Variants in KIN observed in about 807,000 individuals in gnomAD.
The protein encoded by KIN is Kin17 DNA and RNA binding protein.
Under a neutral mutation model 63.0 loss-of-function variants are expected in KIN, and 47 were observed. The ratio of observed to expected loss-of-function variants is 0.75; its 90% CI spans 0.59 to 0.95. The LOEUF is 0.95. KIN is among the 40% of genes least tolerant of loss of function. The pLI, the probability that KIN is intolerant of heterozygous loss-of-function variation, is 0.00. For missense variants in KIN, 408 were observed against 460.9 expected, an observed-to-expected ratio of 0.89 and a Z score of 1.05; for synonymous variants, 160 against 157.7, an observed-to-expected ratio of 1.01 and a Z score of -0.11.
intron 1 of KIN, among the ~76,000 whole-genome samples, chr10:7,784,736 C>T (rs1440375005): frequency 6.6e-6 from 1 of 152,084 alleles, no homozygotes; most frequent in East Asian, 1.9e-4. Context: ...ATAACTGACT[C>T]AGGCAAGGAT....
chr10:7,781,505 G>C (rs746798233), intron 2 of KIN, among the ~76,000 whole-genome samples: 91 of 151,646 alleles, frequency 6.0e-4, no homozygotes, highest in Middle Eastern at 6.8e-3. Flanking sequence ...GTAATCCCAG[G>C]ACTTTGGGAG....
At chr10:7,774,992 C>A (rs1835740493) in intron 6 of KIN, 101 bp from the exon 7 acceptor site, 1 of 837,142 alleles carries the variant, frequency 1.2e-6, no homozygotes, top group Non-Finnish European at 2.0e-6. Context: ...AACTCCAGGA[C>A]ATTTTCAATA....
chr10:7,775,070 T>C (rs994387048), intron 6 of KIN, among the ~76,000 whole-genome samples, 179 bp from the exon 7 acceptor site: 2 of 152,144 alleles, frequency 1.3e-5, no homozygotes, highest in African/African-American at 4.8e-5. Context: ...CTGAAAGCCA[T>C]AGAACAGGAG....
intron 7 of KIN, among the ~76,000 whole-genome samples, chr10:7,770,474 T>G (rs1564319291): frequency 6.6e-6 from 1 of 152,226 alleles, no homozygotes; most frequent in African/African-American, 2.4e-5. Flanking sequence ...TTCATGAGGG[T>G]TCTTGGATCT....
chr10:7,753,571 A>G lies in KIN; in HGVS notation c.*2509T>C, dbSNP rs975017969. 2 of 153,410 alleles carry G rather than the reference A, an allele frequency of 1.3e-5. No homozygotes were observed. Among genetic ancestry groups the G allele is most frequent in the African/African-American group, 4.8e-5 (2 of 41,474 alleles). The allele number at this position is 153,410 out of a possible 1,614,324, so 9.5% of individuals were successfully genotyped here. ...CTGGACTTCATGTCTGATGATTTAT[A>G]TGTATTTTCTGTAGGTCTCCCATCA... On this transcript the variant is annotated 3_prime_UTR_variant, in exon 13 of 13. Coordinates refer to ENST00000379562, the MANE Select transcript of KIN (RefSeq NM_012311.4).
chr10:7,781,868 C>T (rs994971073), intron 2 of KIN, among the ~76,000 whole-genome samples: 2 of 151,778 alleles, frequency 1.3e-5, no homozygotes, highest in Non-Finnish European at 2.9e-5. Context: ...ACCAGCATGG[C>T]CAACATGCCT....
intron 2 of KIN, among the ~76,000 whole-genome samples, chr10:7,782,367 G>T (rs1384618919): frequency 6.6e-6 from 1 of 151,292 alleles, no homozygotes; most frequent in Non-Finnish European, 1.5e-5. Flanking sequence ...TGAAGGATCA[G>T]CAATACTTAG....
In KIN at chr10:7,781,750, C is replaced by CAAAAAAA. The variant is rs34969604; in HGVS notation, c.209+1324_209+1330dup. Among the ~76,000 whole-genome samples the CAAAAAAA allele has an allele frequency of 7.4e-5, 5 of 67,970 alleles. 1 individual carries two copies. The highest frequency in any genetic ancestry group is 3.9e-4 in the East Asian group (1 of 2,552). The allele number at this position is 67,970 out of a possible 152,430, so 44.6% of individuals were successfully genotyped here. On this transcript the variant is annotated intron_variant, in intron 2 of 12. Transcript: ENST00000379562. Reference sequence around the variant, plus strand: ...ACTATGCCACAAAACAAGACCCTGTCAAAAAAAAAAAAAAAAAAAAAAAAT... The same window carrying CAAAAAAA: ...ACTATGCCACAAAACAAGACCCTGTCAAAAAAAAAAAAAAAAAAAAAAAAAAAAAAAT...
chr10:7,760,877 G>C (rs1835423998), intron 11 of KIN, among the ~76,000 whole-genome samples: 1 of 152,112 alleles, frequency 6.6e-6, no homozygotes, highest in African/African-American at 2.4e-5. Context: ...ATGACATACA[G>C]CAAGAAAAAA....
At chr10:7,777,246 CT>C (rs34850717) in intron 5 of KIN, among the ~76,000 whole-genome samples, 13,469 of 144,384 alleles carry the variant, frequency 0.093, 1,040 homozygotes, top group East Asian at 0.25. Flanking sequence ...AAAGCAAAAG[CT>C]TTTTTTTTTT....
At position 7,754,074 on chromosome 10, in the gene KIN, A is replaced by T. The variant is rs1835285238; in HGVS notation, c.*2006T>A. 2 of 455,950 alleles carry T rather than the reference A, an allele frequency of 4.4e-6. No individual in the cohort carries two copies. Among genetic ancestry groups the T allele is most frequent in the African/African-American group, 4.0e-5 (2 of 50,066 alleles). 28.2% of individuals were successfully genotyped at this position (455,950 alleles called of 1,614,324 possible). On this transcript the variant is annotated 3_prime_UTR_variant, in exon 13 of 13. Transcript: ENST00000379562. ...GCAAGGCGTGGTAGCTCACACCTGTAATCACAACATTTTAGAAGGCCGAGG... is the reference window on the plus strand; with the variant it reads ...GCAAGGCGTGGTAGCTCACACCTGTTATCACAACATTTTAGAAGGCCGAGG...
At chr10:7,786,601 A>G (rs1396257650) in intron 1 of KIN, among the ~76,000 whole-genome samples, 2 of 147,362 alleles carry the variant, frequency 1.4e-5, no homozygotes, top group East Asian at 3.9e-4. Flanking sequence ...CCGTATCTCA[A>G]AAAAAAAAAG....
At position 7,751,080 on chromosome 10, in the gene KIN, T is replaced by C. The variant is rs756726741; in HGVS notation, c.*5000A>G. 10 of 152,208 alleles carry C rather than the reference T, an allele frequency of 6.6e-5. No homozygotes were observed. Among genetic ancestry groups the C allele is most frequent in the Non-Finnish European group, 1.0e-4 (7 of 68,032 alleles). 9.4% of individuals were successfully genotyped at this position (152,208 alleles called of 1,614,324 possible). Reference sequence around the variant, plus strand: ...GCAACAAATTTAAAGCGAAACTAGGTTACTTTATGCTGTCTGCATTTGTAT... The same window carrying C: ...GCAACAAATTTAAAGCGAAACTAGGCTACTTTATGCTGTCTGCATTTGTAT... On this transcript the variant is annotated 3_prime_UTR_variant, in exon 13 of 13. Coordinates refer to ENST00000379562, the MANE Select transcript of KIN (RefSeq NM_012311.4).
chr10:7,766,310 G>A (rs1835542718), intron 8 of KIN: 2 of 448,814 alleles, frequency 4.5e-6, no homozygotes, highest in Non-Finnish European at 7.8e-6. Flanking sequence ...GTTTTTAAAA[G>A]TATATAATAA....
At chr10:7,784,866 A>T (rs992092616) in intron 1 of KIN, among the ~76,000 whole-genome samples, 2 of 152,342 alleles carry the variant, frequency 1.3e-5, no homozygotes, top group African/African-American at 4.8e-5. Context: ...AATATTATTT[A>T]CAAGCTGTCA....
chr10:7,776,498 T>G (rs2131018932), intron 5 of KIN, among the ~76,000 whole-genome samples: 1 of 150,524 alleles, frequency 6.6e-6, no homozygotes, highest in Admixed American at 6.6e-5. Flanking sequence ...GCGGAGATCG[T>G]GCCACTTCAC....
chr10:7,768,677 C>G (rs924281410), intron 8 of KIN, among the ~76,000 whole-genome samples: 2 of 152,084 alleles, frequency 1.3e-5, no homozygotes, highest in African/African-American at 2.4e-5. Context: ...TTCTACTGAC[C>G]GTAACAAGCG....
At chr10:7,763,527 G>A (rs774913914) in intron 10 of KIN, among the ~76,000 whole-genome samples, 196 bp downstream of exon 10, 1 of 152,120 alleles carries the variant, frequency 6.6e-6, no homozygotes, top group Non-Finnish European at 1.5e-5. Flanking sequence ...ACAGATCAAC[G>A]CTGAGTAGAA....
intron 11 of KIN, among the ~76,000 whole-genome samples, chr10:7,760,449 C>T (rs1054312279): frequency 3.3e-5 from 5 of 152,144 alleles, no homozygotes; most frequent in African/African-American, 4.8e-5. Context: ...AAGCTTTGTA[C>T]GTATATGTTC....
Sources: allele counts gnomAD v4.1 joint callset (sites outside exome capture counted in the v4.1 genomes callset), GRCh38; gene constraint gnomAD v4.1.1; transcripts MANE v1.5; gene names NCBI Gene and HGNC (gene_info 2026-07-23, HGNC 2026-07-21).